The following LRRC69 variants were observed in gnomAD, a reference collection of about 807,000 sequenced individuals.
LRRC69 encodes leucine rich repeat containing 69, also known as leucine-rich repeat-containing protein 69.
LRRC69 carries 42 observed loss-of-function variants against 37.8 expected under a neutral mutation model. The ratio of observed to expected loss-of-function variants is 1.11; its 90% CI spans 0.87 to 1.44. The LOEUF (loss-of-function observed/expected upper bound fraction) is 1.44. Ranked by LOEUF, LRRC69 falls within the 40% of genes most tolerant of loss-of-function variation. The pLI, the probability that LRRC69 is intolerant of heterozygous loss-of-function variation, is 0.00. For missense variants in LRRC69, 357 were observed against 401.9 expected (o/e 0.89, Z 0.96); for synonymous variants, 141 against 143.1 (o/e 0.99, Z 0.11).
chr8:91,118,395 G>T (rs994582081), intron 1 of LRRC69: 1 of 241,408 alleles, frequency 4.1e-6, no homozygotes. Flanking sequence ...AAAAAAAAAA[G>T]CCAGGCGTGG....
At chr8:91,117,820 T>C (rs2130491642) in intron 1 of LRRC69, among the ~76,000 whole-genome samples, 1 of 151,968 alleles carries the variant, frequency 6.6e-6, no homozygotes, top group South Asian at 2.1e-4. Flanking sequence ...ACATATGTGC[T>C]ATGAGAGCTG....
intron 5 of LRRC69, among the ~76,000 whole-genome samples, chr8:91,164,512 A>G (rs143292443): frequency 6.6e-6 from 1 of 151,756 alleles, no homozygotes; most frequent in Non-Finnish European, 1.5e-5. Context: ...ATGGTTAGCT[A>G]TGGTTTCATC....
intron 1 of LRRC69, among the ~76,000 whole-genome samples, chr8:91,106,481 C>T (rs1813314275): frequency 6.6e-6 from 1 of 151,972 alleles, no homozygotes; most frequent in Admixed American, 6.6e-5. Context: ...ATCAACCATT[C>T]ACTGGGAGCC....
chr8:91,161,134 A>G (rs1193217399), intron 5 of LRRC69, among the ~76,000 whole-genome samples: 2 of 151,394 alleles, frequency 1.3e-5, no homozygotes, highest in Non-Finnish European at 3.0e-5. Context: ...CCTTGAATCC[A>G]TGGCCTAAAT....
At chr8:91,157,878 A>G in intron 5 of LRRC69, 1 of 1,597,806 alleles carries the variant, frequency 6.3e-7, no homozygotes, top group Middle Eastern at 2.1e-4. Context: ...GCATTTTTAG[A>G]TAAGGGAGAG....
intron 6 of LRRC69, among the ~76,000 whole-genome samples, chr8:91,198,163 A>C (rs771748705): frequency 1.2e-4 from 19 of 152,206 alleles, no homozygotes; most frequent in Non-Finnish European, 2.4e-4. Context: ...ATTTATTGCT[A>C]ATAACTATAT....
intron 4 of LRRC69, among the ~76,000 whole-genome samples, chr8:91,134,328 T>C (rs1373448842): frequency 2.6e-5 from 4 of 151,368 alleles, no homozygotes; most frequent in African/African-American, 9.7e-5. Flanking sequence ...TAATTCTCAG[T>C]TGGAGGTCAA....
At chr8:91,150,679 C>T (rs1240853524) in intron 5 of LRRC69, among the ~76,000 whole-genome samples, 1 of 151,944 alleles carries the variant, frequency 6.6e-6, no homozygotes, top group South Asian at 2.1e-4. Flanking sequence ...CCTCTTTGTA[C>T]CTCTGGTAGA....
intron 5 of LRRC69, among the ~76,000 whole-genome samples, chr8:91,150,680 C>G (rs1370100776): frequency 6.6e-6 from 1 of 151,854 alleles, no homozygotes; most frequent in African/African-American, 2.4e-5. Context: ...CTCTTTGTAC[C>G]TCTGGTAGAA....
chr8:91,161,445 G>A (rs886319473), intron 5 of LRRC69, among the ~76,000 whole-genome samples: 1 of 151,124 alleles, frequency 6.6e-6, no homozygotes, highest in African/African-American at 2.4e-5. Context: ...TTTATTTTGG[G>A]AGACTTATTA....
chr8:91,147,894 G>T (rs1004002025), intron 5 of LRRC69, among the ~76,000 whole-genome samples: 24 of 151,470 alleles, frequency 1.6e-4, no homozygotes, highest in African/African-American at 5.6e-4. Flanking sequence ...GGTGTGTATT[G>T]TTCCCTTCCC....
At chr8:91,134,131 G>A (rs1813861965) in intron 4 of LRRC69, among the ~76,000 whole-genome samples, 1 of 150,898 alleles carries the variant, frequency 6.6e-6, no homozygotes, top group African/African-American at 2.4e-5. Context: ...TTTCCTCTTG[G>A]ATATGGCAGA....
chr8:91,112,247 TG>T (rs1031928070), intron 1 of LRRC69, among the ~76,000 whole-genome samples: 4 of 152,012 alleles, frequency 2.6e-5, no homozygotes, highest in African/African-American at 9.6e-5. Context: ...CATGTACCTG[TG>T]CTCCAGACCC....
intron 1 of LRRC69, among the ~76,000 whole-genome samples, chr8:91,112,046 A>G (rs1813417644): frequency 6.6e-6 from 1 of 152,032 alleles, no homozygotes; most frequent in Non-Finnish European, 1.5e-5. Flanking sequence ...AATCTGTTAT[A>G]ATTATTGGAG....
intron 6 of LRRC69, among the ~76,000 whole-genome samples, chr8:91,194,498 G>A (rs1249005411): frequency 6.6e-6 from 1 of 151,960 alleles, no homozygotes; most frequent in African/African-American, 2.4e-5. Context: ...TGGTTAGTAA[G>A]CTATTGATTA....
intron 7 of LRRC69, among the ~76,000 whole-genome samples, chr8:91,209,004 A>C (rs1201811849): frequency 6.6e-6 from 1 of 152,190 alleles, no homozygotes; most frequent in African/African-American, 2.4e-5. Flanking sequence ...CTCAAGAATG[A>C]GCTGACTAAA....
intron 4 of LRRC69, among the ~76,000 whole-genome samples, chr8:91,134,937 C>T (rs1813883063): frequency 6.6e-6 from 1 of 151,978 alleles, no homozygotes; most frequent in African/African-American, 2.4e-5. Flanking sequence ...GAGGGGTATA[C>T]ACATGCAAAG....
At chr8:91,195,595 G>A (rs1301839420) in intron 6 of LRRC69, among the ~76,000 whole-genome samples, 1 of 150,696 alleles carries the variant, frequency 6.6e-6, no homozygotes, top group Non-Finnish European at 1.5e-5. Context: ...TTACCATTAT[G>A]TAATGGCCTT....
Position 91,156,346 on chromosome 8 carries a change from T to G in LRRC69, c.651+20607T>G, listed in dbSNP as rs112688564. 6.1e-3 allele frequency among the ~76,000 whole-genome samples: 917 copies of G among 151,218 alleles called. 8 individuals are homozygous for G. The highest frequency in any genetic ancestry group is 0.015 in the Admixed American group (232 of 15,110). On this transcript the variant is annotated intron_variant, in intron 5 of 7. Coordinates refer to ENST00000448384, the Ensembl canonical transcript of LRRC69. ...AGTGATGTTGGACCTGTTTTTCAGA[T>G]ACTTGTTGGCCATTTGTGTGTCTTC...
Sources: gnomAD v4.1 joint callset for allele counts (sites outside exome capture counted in the v4.1 genomes callset) on GRCh38, gnomAD v4.1.1 for gene constraint, MANE v1.5 for transcripts, NCBI Gene and HGNC (gene_info 2026-07-23, HGNC 2026-07-21) for gene names.